The following ERBB4 variants were observed in gnomAD, a reference collection of about 807,000 sequenced individuals.
ERBB4 encodes receptor tyrosine-protein kinase erbB-4.
A neutral mutation model predicts 158.0 loss-of-function variants in ERBB4; 42 were observed. The ratio of observed to expected loss-of-function variants is 0.27; its 90% CI spans 0.21 to 0.34. The LOEUF (loss-of-function observed/expected upper bound fraction) is 0.34. Among genes scored for constraint, ERBB4 ranks in the 10% least tolerant of loss-of-function variants. The pLI is 1.00. For missense variants in ERBB4, 1,333 were observed against 1,624.1 expected (o/e 0.82, Z 3.08); for synonymous variants, 583 against 558.7 (o/e 1.04, Z -0.61).
rs1553648401 is a variant in ERBB4, at chr2:211,861,111, T to TTATATATATTTTA, written c.422-72953_422-72952insTAAAATATATATA. On this transcript the variant is annotated intron_variant, in intron 3 of 27. Transcript: ENST00000342788. The stretch of plus-strand genomic sequence containing the variant: ...AAATATATAAATACATTATATATAT[T>TTATATATATTTTA]TATATATATATTTTATATATATATA... Among the ~76,000 whole-genome samples, 3 of 21,536 alleles carry TTATATATATTTTA rather than the reference T, an allele frequency of 1.4e-4. 1 individual carries two copies. The East Asian group carries it at 4.5e-3, about 33-fold the overall frequency. The allele number at this position is 21,536 out of a possible 152,430, so 14.1% of individuals were successfully genotyped here. A position where few individuals can be genotyped will look rare whatever the true frequency, so the allele number is the denominator to read the frequency against.
At position 211,382,603 on chromosome 2, in the gene ERBB4, T is replaced by C. The variant is rs16846006; in HGVS notation, c.*1012A>G. On this transcript the variant is annotated 3_prime_UTR_variant, in exon 28 of 28. Transcript: ENST00000342788. ...GTGTGTTTCTTCCAGTTCAATGGAT[T>C]CCCTCATTGGGCCACCCCTGAAAGT... is the stretch of plus-strand genomic sequence containing the variant. The C allele has an allele frequency of 0.023, 5,470 of 233,002 alleles. 293 individuals carry two copies. Among genetic ancestry groups the C allele is most frequent in the African/African-American group, 0.11 (5,099 of 45,392 alleles). The allele number at this position is 233,002 out of a possible 1,614,324, so 14.4% of individuals were successfully genotyped here. A position where few individuals can be genotyped will look rare whatever the true frequency, so the allele number is the denominator to read the frequency against.
rs1559294328 is a variant in ERBB4 at position 212,003,219 on chromosome 2, A to AAGACAGAC, written c.235-55604_235-55603insGTCTGTCT. 1.8e-3 allele frequency among the ~76,000 whole-genome samples: 105 copies of AAGACAGAC among 58,932 alleles called. 7 individuals are homozygous for AAGACAGAC. The highest frequency in any genetic ancestry group is 0.01 in the Middle Eastern group (1 of 100). 38.7% of individuals were successfully genotyped at this position (58,932 alleles called of 152,430 possible). On this transcript the variant is annotated intron_variant, in intron 2 of 27. Coordinates refer to ENST00000342788, the MANE Select transcript of ERBB4 (RefSeq NM_005235.3). Reference sequence around the variant, plus strand: ...AAAGAAAGAAAGACAGAAAGAAGGAAGGAAGGAAGGAAGGAAGGAAGGAAG... The same window carrying AAGACAGAC: ...AAAGAAAGAAAGACAGAAAGAAGGAAAGACAGACGGAAGGAAGGAAGGAAGGAAGGAAG...
chr2:212,467,769 G>T (rs141151849), intron 1 of ERBB4, among the ~76,000 whole-genome samples: 3 of 152,150 alleles, frequency 2.0e-5, no homozygotes, highest in Non-Finnish European at 4.4e-5. Context: ...GAGGGCCACC[G>T]TCCTCCAGAC....
intron 2 of ERBB4, among the ~76,000 whole-genome samples, chr2:212,055,569 C>A (rs2077535931): frequency 6.6e-6 from 1 of 152,214 alleles, no homozygotes; most frequent in Admixed American, 6.5e-5. Context: ...GGGTACCCCG[C>A]TGAGATGAAG....
At chr2:211,774,082 T>A (rs1435004807) in intron 4 of ERBB4, among the ~76,000 whole-genome samples, 1 of 151,648 alleles carries the variant, frequency 6.6e-6, no homozygotes, top group Non-Finnish European at 1.5e-5. Flanking sequence ...AATTTTTTTT[T>A]TTTTTCTTGA....
At chr2:212,208,643 A>G (rs1190172084) in intron 1 of ERBB4, among the ~76,000 whole-genome samples, 4 of 152,280 alleles carry the variant, frequency 2.6e-5, no homozygotes, top group African/African-American at 9.6e-5. Flanking sequence ...AGGTGGTTAG[A>G]GGCAGTGGGA....
chr2:211,540,768 T>TA (rs908832834), intron 20 of ERBB4, among the ~76,000 whole-genome samples: 11 of 151,954 alleles, frequency 7.2e-5, no homozygotes, highest in Admixed American at 5.9e-4. Flanking sequence ...AGCAGCTCTC[T>TA]AATGGTTATT....
At chr2:212,177,514 C>A (rs2081708803) in intron 1 of ERBB4, among the ~76,000 whole-genome samples, 1 of 151,822 alleles carries the variant, frequency 6.6e-6, no homozygotes, top group Non-Finnish European at 1.5e-5. Flanking sequence ...TATTTGAGTG[C>A]CAACTTAGGG....
intron 1 of ERBB4, among the ~76,000 whole-genome samples, chr2:212,473,522 T>G (rs1689219847): frequency 6.6e-6 from 1 of 152,122 alleles, no homozygotes; most frequent in African/African-American, 2.4e-5. Flanking sequence ...TCCCATAGCA[T>G]AGTAAGTAGC....
At chr2:211,542,658 A>G (rs546041392) in intron 20 of ERBB4, among the ~76,000 whole-genome samples, 2 of 152,156 alleles carry the variant, frequency 1.3e-5, no homozygotes, top group South Asian at 4.1e-4. Flanking sequence ...AGGTTTGACT[A>G]AGAGTGGCCA....
At chr2:212,275,821 A>T (rs1177305783) in intron 1 of ERBB4, among the ~76,000 whole-genome samples, 1 of 151,908 alleles carries the variant, frequency 6.6e-6, no homozygotes, top group East Asian at 1.9e-4. Context: ...AAATTCATAC[A>T]TAACAATATT....
intron 2 of ERBB4, among the ~76,000 whole-genome samples, chr2:212,059,722 G>A (rs1056187836): frequency 6.6e-6 from 1 of 152,184 alleles, no homozygotes; most frequent in African/African-American, 2.4e-5. Flanking sequence ...ATGGTCCTGG[G>A]AAAACTGGCT....
intron 20 of ERBB4, among the ~76,000 whole-genome samples, chr2:211,518,419 G>A (rs940457932): frequency 1.3e-5 from 2 of 152,038 alleles, no homozygotes; most frequent in Non-Finnish European, 2.9e-5. Context: ...ACTTTGGGAG[G>A]CCAAGGCGGG....
intron 1 of ERBB4, among the ~76,000 whole-genome samples, chr2:212,296,968 C>T (rs539062780): frequency 3.8e-4 from 58 of 152,012 alleles, no homozygotes; most frequent in African/African-American, 1.3e-3. Context: ...CTCACCAACG[C>T]TACTAATCCT....
At chr2:212,344,460 A>G (rs1382682220) in intron 1 of ERBB4, among the ~76,000 whole-genome samples, 2 of 140,550 alleles carry the variant, frequency 1.4e-5, no homozygotes, top group Non-Finnish European at 3.1e-5. Flanking sequence ...GCTACCATAT[A>G]TATGTGTGTG....
intron 3 of ERBB4, among the ~76,000 whole-genome samples, chr2:211,868,715 C>G (rs1387119968): frequency 1.3e-5 from 2 of 152,128 alleles, no homozygotes; most frequent in South Asian, 2.1e-4. Context: ...TACCCTGCTG[C>G]TCTATGTTGC....
intron 5 of ERBB4, among the ~76,000 whole-genome samples, chr2:211,739,105 C>A (rs1429599117): frequency 6.6e-6 from 1 of 152,076 alleles, no homozygotes; most frequent in African/African-American, 2.4e-5. Flanking sequence ...ATAGGTCTAT[C>A]TAAATATAGA....
intron 1 of ERBB4, among the ~76,000 whole-genome samples, chr2:212,407,261 C>T (rs1255594248): frequency 6.6e-6 from 1 of 151,628 alleles, no homozygotes; most frequent in African/African-American, 2.4e-5. Context: ...CTTTAATAAG[C>T]AATACTATAG....
In ERBB4 at chr2:212,266,107, C is replaced by G. The variant is rs556252198; in HGVS notation, c.83-141204G>C. ...AGAGCCTCCGTCTCAATTGCATGCC[C>G]CCCTCTCCTATTCTGTGTCTCCTTC... On this transcript the variant is annotated intron_variant, in intron 1 of 27. Transcript: ENST00000342788. 3.3e-5 allele frequency among the ~76,000 whole-genome samples: 5 copies of G among 151,610 alleles called. No individual in the cohort carries two copies. The South Asian group carries it at 1.0e-3, about 32-fold the overall frequency.
Sources: gnomAD v4.1 joint callset for allele counts (sites outside exome capture counted in the v4.1 genomes callset) on GRCh38, gnomAD v4.1.1 for gene constraint, MANE v1.5 for transcripts, NCBI Gene and HGNC (gene_info 2026-07-23, HGNC 2026-07-21) for gene names.